Variants in MYO1H observed in about 807,000 individuals in gnomAD.
The protein encoded by MYO1H is myosin IH.
In MYO1H, 118 loss-of-function variants were observed where a neutral mutation model predicts 149.3. That is an observed-to-expected ratio of 0.79 (90% CI 0.68 to 0.92). MYO1H has a LOEUF of 0.92. MYO1H is among the 40% of genes least tolerant of loss of function. The pLI, the probability that MYO1H is intolerant of heterozygous loss-of-function variation, is 0.00. For synonymous variants in MYO1H, 447 were observed against 465.2 expected (o/e 0.96, Z 0.50); for missense variants, 1,212 against 1,280.7 (o/e 0.95, Z 0.82).
intron 1 of MYO1H, among the ~76,000 whole-genome samples, chr12:109,387,739 G>T (rs961843484): frequency 6.6e-6 from 1 of 152,134 alleles, no homozygotes; most frequent in Non-Finnish European, 1.5e-5. Context: ...CAAGGGCCTG[G>T]TGACCACTTT....
chr12:109,390,704 G>A (rs932403305), intron 2 of MYO1H, among the ~76,000 whole-genome samples: 8 of 151,040 alleles, frequency 5.3e-5, no homozygotes, highest in African/African-American at 1.9e-4. Flanking sequence ...TCACTCTGTC[G>A]CCCAGGCTGG....
At chr12:109,316,705 A>G in the MYO1H span, among the ~76,000 whole-genome samples, 2 of 152,188 alleles carry the variant, frequency 1.3e-5, no homozygotes, top group Admixed American at 1.3e-4. Flanking sequence ...ACAATCGCTG[A>G]TTACATGCAT....
chr12:109,440,534 A>G (rs1276025095), intron 24 of MYO1H: 2 of 539,384 alleles, frequency 3.7e-6, no homozygotes, highest in Non-Finnish European at 6.7e-6. Flanking sequence ...AGTCATAAAC[A>G]TATTCAAGTT....
the MYO1H span, among the ~76,000 whole-genome samples, chr12:109,317,852 G>A: frequency 2.0e-5 from 3 of 152,304 alleles, no homozygotes; most frequent in Admixed American, 2.0e-4. Flanking sequence ...GAGGATGCTT[G>A]TAAGCTTCTC....
At chr12:109,437,572 A>G (rs142501402) in intron 22 of MYO1H, among the ~76,000 whole-genome samples, 77 of 152,298 alleles carry the variant, frequency 5.1e-4, no homozygotes, top group African/African-American at 1.8e-3. Context: ...AAGTAGCTTT[A>G]GATAATATGT....
Position 109,408,740 on chromosome 12 carries a change from C to G in MYO1H, c.1156-817C>G, listed in dbSNP as rs112452583. 2.7e-3 allele frequency among the ~76,000 whole-genome samples: 411 copies of G among 152,244 alleles called. 3 individuals carry two copies. The highest frequency in any genetic ancestry group is 9.5e-3 in the African/African-American group (395 of 41,540). On this transcript the variant is annotated intron_variant, in intron 10 of 31. Coordinates refer to ENST00000310903, the Ensembl canonical transcript of MYO1H. ...TTTGGAGGCAGTGACTTAGGACACT[C>G]ATACAGAGTATTTAATTGTGTCCCT...
chr12:109,388,967 G>A (rs1007510534), intron 2 of MYO1H, 123 bp downstream of exon 2: 51 of 1,250,768 alleles, frequency 4.1e-5, no homozygotes, highest in Middle Eastern at 2.3e-4. Flanking sequence ...ATACTGAGGC[G>A]CCACTCTTAG....
rs138432712 is a variant in MYO1H, at chr12:109,380,628, A to T, written c.13-8055A>T. Among the ~76,000 whole-genome samples the T allele has an allele frequency of 1.7e-3, 259 of 152,294 alleles. 1 individual carries two copies. The highest frequency in any genetic ancestry group is 5.9e-3 in the African/African-American group (247 of 41,570). On this transcript the variant is annotated intron_variant, in intron 1 of 31. Transcript: ENST00000310903. Reference sequence around the variant, plus strand: ...CATGTCATTGAACTAGAATTTTTGGATGGGAGAAAAGAGAAGAGATAGAAA... The same window carrying T: ...CATGTCATTGAACTAGAATTTTTGGTTGGGAGAAAAGAGAAGAGATAGAAA...
chr12:109,324,180 G>A, the MYO1H span, among the ~76,000 whole-genome samples: 1 of 152,148 alleles, frequency 6.6e-6, no homozygotes, highest in Non-Finnish European at 1.5e-5. Flanking sequence ...GGGCACTAAA[G>A]GATGAGGTCA....
chr12:109,418,769 C>G (rs917015213), intron 15 of MYO1H, among the ~76,000 whole-genome samples: 1 of 152,130 alleles, frequency 6.6e-6, no homozygotes, highest in Admixed American at 6.6e-5. Flanking sequence ...TGGTCTCGAT[C>G]TCCTGACCTC....
chr12:109,387,838 G>A (rs145945916), intron 1 of MYO1H, among the ~76,000 whole-genome samples: 12 of 152,286 alleles, frequency 7.9e-5, no homozygotes, highest in African/African-American at 1.2e-4. Flanking sequence ...CCCTCTGGCC[G>A]CAGCTTGCCT....
At chr12:109,417,885 G>A (rs967903498) in intron 15 of MYO1H, among the ~76,000 whole-genome samples, 3 of 151,272 alleles carry the variant, frequency 2.0e-5, no homozygotes, top group Non-Finnish European at 4.4e-5. Context: ...GCGCGATCTC[G>A]GCTCACTGCA....
chr12:109,338,457 G>T, the MYO1H span, among the ~76,000 whole-genome samples: 1 of 152,056 alleles, frequency 6.6e-6, no homozygotes. Context: ...TCTCTTGGGT[G>T]TCTTGATCAC....
At chr12:109,363,499 G>A (rs906841580) in intron 1 of MYO1H, among the ~76,000 whole-genome samples, 1 of 152,150 alleles carries the variant, frequency 6.6e-6, no homozygotes, top group Admixed American at 6.5e-5. Context: ...GATCACTTGA[G>A]GTCAAGAGTT....
At chr12:109,365,372 T>C (rs1222440536) in intron 1 of MYO1H, among the ~76,000 whole-genome samples, 1 of 152,258 alleles carries the variant, frequency 6.6e-6, no homozygotes, top group Non-Finnish European at 1.5e-5. Context: ...AGTTCCGTCA[T>C]GAAACTGAAA....
At chr12:109,391,941 C>T (rs1465211101) in intron 2 of MYO1H, among the ~76,000 whole-genome samples, 1 of 152,060 alleles carries the variant, frequency 6.6e-6, no homozygotes. Flanking sequence ...GTTTAAATTC[C>T]TTGTAGACTG....
At chr12:109,427,345 C>T in intron 18 of MYO1H, 124 bp from the exon 19 acceptor site, 1 of 566,316 alleles carries the variant, frequency 1.8e-6, no homozygotes. Flanking sequence ...AAATTAAGAC[C>T]TCACGAAATG....
At chr12:109,369,078 C>G (rs1868930023) in intron 1 of MYO1H, among the ~76,000 whole-genome samples, 1 of 149,806 alleles carries the variant, frequency 6.7e-6, no homozygotes, top group African/African-American at 2.5e-5. Flanking sequence ...AATTCTGCCT[C>G]CTGGGTTCAA....
At chr12:109,434,928 T>C (rs913293628) in intron 20 of MYO1H, 109 bp from the exon 21 acceptor site, 39 of 638,074 alleles carry the variant, frequency 6.1e-5, no homozygotes, top group Admixed American at 6.1e-4. Flanking sequence ...CCAAATAAGA[T>C]GGTATTCTGA....
Sources: allele counts gnomAD v4.1 joint callset (sites outside exome capture counted in the v4.1 genomes callset), GRCh38; gene constraint gnomAD v4.1.1; transcripts MANE v1.5; gene names NCBI Gene and HGNC (gene_info 2026-07-23, HGNC 2026-07-21).